DIS3L: variants seen among roughly 807,000 people sequenced by gnomAD.
The protein encoded by DIS3L is DIS3-like exonuclease 1.
A neutral mutation model predicts 120.3 loss-of-function variants in DIS3L; 100 were observed. The observed-to-expected ratio is 0.83, with a 90% CI of 0.71 to 0.98. The LOEUF (loss-of-function observed/expected upper bound fraction) is 0.98, where lower values mean the gene tolerates loss of function less well. Among genes scored for constraint, DIS3L ranks in the 50% least tolerant of loss-of-function variants. The pLI, the probability that DIS3L is intolerant of heterozygous loss-of-function variation, is 0.00. For synonymous variants in DIS3L, 426 were observed against 470.6 expected (o/e 0.91, Z 1.23); for missense variants, 1,196 against 1,314.2 (o/e 0.91, Z 1.39).
At chr15:66,323,052 GA>G (rs199675390) in intron 10 of DIS3L, 118 bp downstream of exon 10, 94 of 1,266,320 alleles carry the variant, frequency 7.4e-5, no homozygotes, top group South Asian at 1.1e-4. Flanking sequence ...GTCCCTTCCA[GA>G]AAAAAAAAGT....
At chr15:66,327,148 T>C (rs1230346848) in intron 12 of DIS3L, among the ~76,000 whole-genome samples, 1 of 151,704 alleles carries the variant, frequency 6.6e-6, no homozygotes, top group African/African-American at 2.4e-5. Context: ...CAGGTTGGTC[T>C]CAAACTCCTG....
intron 4 of DIS3L, among the ~76,000 whole-genome samples, chr15:66,310,970 T>A (rs764038732): frequency 5.7e-5 from 8 of 139,656 alleles, no homozygotes; most frequent in Non-Finnish European, 9.0e-5. Flanking sequence ...TACTCCAGCA[T>A]GGGCAACAGA....
intron 5 of DIS3L, 23 bp downstream of exon 5, chr15:66,311,923 T>G: frequency 6.2e-7 from 1 of 1,612,016 alleles, no homozygotes; most frequent in Non-Finnish European, 8.5e-7. Context: ...ATTTAGAATG[T>G]GTCAGGGCTG....
chr15:66,294,159 T>C, intron 1 of DIS3L: 1 of 985,636 alleles, frequency 1.0e-6, no homozygotes, highest in Non-Finnish European at 1.2e-6. Context: ...TGACATCGCC[T>C]GCTTTGCAGC....
chr15:66,315,879 G>A (rs567367934), intron 7 of DIS3L, among the ~76,000 whole-genome samples: 15 of 152,216 alleles, frequency 9.9e-5, no homozygotes, highest in Admixed American at 4.6e-4. Flanking sequence ...AGCCTCCATC[G>A]TCTGGAAGCT....
chr15:66,320,980 GAT>G (rs2092877362), intron 9 of DIS3L, among the ~76,000 whole-genome samples: 1 of 152,262 alleles, frequency 6.6e-6, no homozygotes, highest in African/African-American at 2.4e-5. Context: ...GCTTAAAAAT[GAT>G]ATGTCAGTGT....
At chr15:66,332,976 G>A in intron 16 of DIS3L, 28 bp from the exon 17 acceptor site, 1 of 1,592,944 alleles carries the variant, frequency 6.3e-7, no homozygotes. Flanking sequence ...ATGTGATTTA[G>A]TAATATGTAT....
At chr15:66,308,634 G>A (rs2092724244) in intron 3 of DIS3L, 75 bp from the exon 4 acceptor site, 3 of 1,538,280 alleles carry the variant, frequency 2.0e-6, no homozygotes, top group African/African-American at 2.7e-5. Flanking sequence ...GATAGCAAAA[G>A]CCAGATGTGA....
Position 66,326,222 on chromosome 15 carries a change from C to A in DIS3L, c.2059C>A (p.Leu687Met), listed in dbSNP as rs368105741. The A allele has an allele frequency of 6.2e-7, 1 of 1,614,236 alleles. No individual in the cohort carries two copies. Among genetic ancestry groups the A allele is most frequent in the Non-Finnish European group, 8.5e-7 (1 of 1,180,058 alleles). ...CGAGACAGTGGCTGAATGCATGATCCTGGCCAACCACTGGGTCGCCAAAAA... is the reference window on the plus strand; with the variant it reads ...CGAGACAGTGGCTGAATGCATGATCATGGCCAACCACTGGGTCGCCAAAAA... ...VHETVAECMI[L>M]ANHWVAKKIW... The change falls in exon 12 of 17, where the codon CTG becomes ATG. Residue 687 changes from leucine to methionine, a missense_variant. Transcript: ENST00000319212.
intron 2 of DIS3L, among the ~76,000 whole-genome samples, chr15:66,301,149 A>G (rs2092643405): frequency 6.6e-6 from 1 of 152,112 alleles, no homozygotes; most frequent in Non-Finnish European, 1.5e-5. Flanking sequence ...AAAAAAATCA[A>G]CCTAAAGAAG....
intron 12 of DIS3L, among the ~76,000 whole-genome samples, chr15:66,326,761 T>C (rs2092943153): frequency 6.6e-6 from 1 of 151,920 alleles, no homozygotes; most frequent in Non-Finnish European, 1.5e-5. Context: ...TTTGTATTTT[T>C]AGTAGAGACA....
intron 5 of DIS3L, among the ~76,000 whole-genome samples, chr15:66,312,311 A>C (rs1254289916): frequency 6.6e-6 from 1 of 152,048 alleles, no homozygotes; most frequent in Non-Finnish European, 1.5e-5. Flanking sequence ...GGCTGCAAAC[A>C]AGATGGGCAT....
chr15:66,301,022 A>G (rs1464611066), intron 2 of DIS3L, among the ~76,000 whole-genome samples: 1 of 152,200 alleles, frequency 6.6e-6, no homozygotes, highest in Non-Finnish European at 1.5e-5. Context: ...TACAGAATTC[A>G]CTTTGTAGGT....
At chr15:66,332,208 G>A (rs909213018) in intron 15 of DIS3L, among the ~76,000 whole-genome samples, 188 bp downstream of exon 15, 1 of 152,152 alleles carries the variant, frequency 6.6e-6, no homozygotes, top group African/African-American at 2.4e-5. Flanking sequence ...TATAATCCCA[G>A]CACTTTGGGA....
chr15:66,316,485 T>C (rs1457492476), intron 7 of DIS3L, among the ~76,000 whole-genome samples: 1 of 152,146 alleles, frequency 6.6e-6, no homozygotes, highest in East Asian at 1.9e-4. Context: ...CCTCCCCATG[T>C]AGTCTTTTCT....
rs1297593399 is a variant in DIS3L, at chr15:66,331,816, C to T, written c.2536-59C>T. The T allele has an allele frequency of 3.2e-5, 45 of 1,418,028 alleles. No individual in the cohort carries two copies. The South Asian group carries it at 3.2e-4, about 10-fold the overall frequency. The allele number at this position is 1,418,028 out of a possible 1,614,324, so 87.8% of individuals were successfully genotyped here. ...CTCACATTTGAATGAATATGAATTT[C>T]GTTTCTTTGGGGAATGCCAGGGGAG... On this transcript the variant is annotated intron_variant, in intron 14 of 16. Coordinates refer to ENST00000319212, the MANE Select transcript of DIS3L (RefSeq NM_001143688.3).
At chr15:66,313,591 G>A (rs150114030) in intron 5 of DIS3L, among the ~76,000 whole-genome samples, 2 of 152,028 alleles carry the variant, frequency 1.3e-5, no homozygotes, top group South Asian at 2.1e-4. Context: ...TTAGCTGAGC[G>A]TGGTGGTGGA....
chr15:66,302,436 T>G (rs2092658320), intron 2 of DIS3L, among the ~76,000 whole-genome samples: 1 of 152,186 alleles, frequency 6.6e-6, no homozygotes, highest in Non-Finnish European at 1.5e-5. Context: ...CAGTGATGTC[T>G]ATGAAGCTTA....
intron 9 of DIS3L, among the ~76,000 whole-genome samples, chr15:66,321,658 C>T (rs111712020): frequency 0.2 from 29,215 of 149,056 alleles, 3,417 homozygotes; most frequent in Middle Eastern, 0.29. Context: ...CCCAGCTACT[C>T]GGGAGGCTGA....
Sources: gnomAD v4.1 joint callset for allele counts (sites outside exome capture counted in the v4.1 genomes callset) on GRCh38, gnomAD v4.1.1 for gene constraint, MANE v1.5 for transcripts, NCBI Gene and HGNC (gene_info 2026-07-23, HGNC 2026-07-21) for gene names.